GRID1: variants seen among roughly 807,000 people sequenced by gnomAD.
GRID1 encodes the protein glutamate receptor ionotropic, delta-1.
GRID1 carries 28 observed loss-of-function variants against 98.0 expected under a neutral mutation model. The ratio of observed to expected loss-of-function variants is 0.29; its 90% CI spans 0.21 to 0.39. The LOEUF is 0.39. GRID1 is among the 10% of genes least tolerant of loss of function. The pLI is 1.00. For missense variants in GRID1, 1,111 were observed against 1,340.5 expected (o/e 0.83, Z 2.67); for synonymous variants, 553 against 538.5 (o/e 1.03, Z -0.37).
At chr10:85,977,587 CT>C (rs746427205) in intron 4 of GRID1, among the ~76,000 whole-genome samples, 2 of 152,136 alleles carry the variant, frequency 1.3e-5, no homozygotes, top group Non-Finnish European at 2.9e-5. Flanking sequence ...AATCAACCCC[CT>C]AGGCTTAGAT....
intron 5 of GRID1, among the ~76,000 whole-genome samples, chr10:85,909,731 A>G (rs1473387853): frequency 6.6e-6 from 1 of 152,218 alleles, no homozygotes; most frequent in Non-Finnish European, 1.5e-5. Context: ...GAAACAGATC[A>G]GTAGTTGCCT....
In GRID1 at chr10:85,602,677, C is replaced by T. The variant is rs147240528; in HGVS notation, c.2626G>A (p.Val876Ile). The change falls in exon 16 of 16, where the codon GTC (valine) becomes ATC (isoleucine). Residue 876 changes from valine (V) to isoleucine (I), a missense_variant. By Grantham distance (29) the Val-to-Ile change is conservative (BLOSUM62 3). This residue lies in a region of GRID1 where 762 missense variants were observed against 869.1 expected (regional missense o/e 0.88). Coordinates refer to ENST00000327946, the MANE Select transcript of GRID1 (RefSeq NM_017551.3). ...ATGAGGCTGTTCATGCGCCGGTGGA[C>T]CTGCTCCAAGTTCACTTCTTTGTCC... Reference protein sequence around the residue: ...KEDKEVNLEQVHRRMNSLMDE... With the variant: ...KEDKEVNLEQIHRRMNSLMDE... 6.2e-7 allele frequency: 1 copy of T among 1,612,746 alleles called. No homozygotes were observed. Among genetic ancestry groups the T allele is most frequent in the African/African-American group, 1.3e-5 (1 of 74,908 alleles).
intron 4 of GRID1, among the ~76,000 whole-genome samples, chr10:86,004,740 T>TCACACACACACACACACACACA (rs201671134): frequency 2.1e-5 from 2 of 94,348 alleles, no homozygotes; most frequent in African/African-American, 6.8e-5. Context: ...ACACACACAC[T>TCACACACACACACACACACACA]CACACACACA....
intron 12 of GRID1, among the ~76,000 whole-genome samples, chr10:85,718,763 C>G (rs1841668023): frequency 6.6e-6 from 1 of 152,202 alleles, no homozygotes; most frequent in African/African-American, 2.4e-5. Flanking sequence ...ATGGGAGGGG[C>G]TGCCATGAAG....
rs1651465001 is a variant in GRID1, at chr10:85,647,413, G to A, written c.1998-16C>T. On this transcript the variant is annotated splice_polypyrimidine_tract_variant and intron_variant, in intron 12 of 15. Coordinates refer to ENST00000327946, the MANE Select transcript of GRID1 (RefSeq NM_017551.3). Reference sequence around the variant, plus strand: ...CTGGAAAGTCCTGAAATGCAGAAAGGCAGCGAGGCATGAGTACATGCTGTG... The same window carrying A: ...CTGGAAAGTCCTGAAATGCAGAAAGACAGCGAGGCATGAGTACATGCTGTG... 1 of 1,604,866 alleles carries A rather than the reference G, an allele frequency of 6.2e-7. No homozygotes were observed. The highest frequency in any genetic ancestry group is 8.5e-7 in the Non-Finnish European group (1 of 1,172,040).
chr10:85,888,914 C>T (rs1413138926), intron 5 of GRID1, among the ~76,000 whole-genome samples: 1 of 152,194 alleles, frequency 6.6e-6, no homozygotes, highest in Non-Finnish European at 1.5e-5. Flanking sequence ...ATTCAATTTC[C>T]TTTAATTCCA....
chr10:85,616,007 T>G (rs753452520), intron 14 of GRID1, among the ~76,000 whole-genome samples: 3 of 152,158 alleles, frequency 2.0e-5, no homozygotes, highest in Non-Finnish European at 2.9e-5. Flanking sequence ...TTATAATAAA[T>G]GTACCTACCT....
chr10:85,940,976 C>G (rs1841990242), intron 4 of GRID1, among the ~76,000 whole-genome samples: 1 of 152,194 alleles, frequency 6.6e-6, no homozygotes, highest in Non-Finnish European at 1.5e-5. Context: ...ATATAAGAAC[C>G]ATTCTGCTTG....
rs553773926 is a variant in GRID1 at position 85,771,807 on chromosome 10, C to T, written c.1234-42193G>A. On this transcript the variant is annotated intron_variant, in intron 8 of 15. Coordinates refer to ENST00000327946, the MANE Select transcript of GRID1 (RefSeq NM_017551.3). ...TATATATGCACCCAATACAGGAGTA[C>T]CCAGATTCATAAAGCAAGTCCTGAG... Among the ~76,000 whole-genome samples, 32 of 152,212 alleles carry T rather than the reference C, an allele frequency of 2.1e-4. No individual in the cohort carries two copies. In the East Asian group the frequency reaches 3.3e-3, roughly 16 times the overall value.
chr10:86,140,804 G>A (rs183832255), intron 3 of GRID1, among the ~76,000 whole-genome samples: 22 of 152,302 alleles, frequency 1.4e-4, no homozygotes, highest in Admixed American at 6.5e-5. Context: ...CCATTTTCCT[G>A]GGACTCTGAA....
At chr10:85,923,068 G>T (rs1210377077) in intron 4 of GRID1, among the ~76,000 whole-genome samples, 1 of 152,100 alleles carries the variant, frequency 6.6e-6, no homozygotes, top group Non-Finnish European at 1.5e-5. Context: ...TCCCACTGGG[G>T]AATCTTGGAT....
chr10:85,658,989 T>G (rs919703204), intron 12 of GRID1, among the ~76,000 whole-genome samples: 23 of 152,186 alleles, frequency 1.5e-4, no homozygotes, highest in Admixed American at 1.5e-3. Flanking sequence ...TTTGTGGAAG[T>G]GCAAAGATAA....
chr10:85,665,736 C>T (rs1285867404), intron 12 of GRID1, among the ~76,000 whole-genome samples: 2 of 152,122 alleles, frequency 1.3e-5, no homozygotes, highest in African/African-American at 2.4e-5. Context: ...CCTTTTTTCT[C>T]TCCCTTCGTG....
intron 5 of GRID1, among the ~76,000 whole-genome samples, chr10:85,881,391 C>A (rs1442912258): frequency 6.6e-6 from 1 of 152,098 alleles, no homozygotes; most frequent in Non-Finnish European, 1.5e-5. Context: ...AGGCTACAGT[C>A]ACCAAAACAG....
At chr10:85,965,660 T>C (rs1369965206) in intron 4 of GRID1, among the ~76,000 whole-genome samples, 3 of 151,972 alleles carry the variant, frequency 2.0e-5, no homozygotes, top group Non-Finnish European at 4.4e-5. Context: ...AGGGGAGGGA[T>C]AGCATTATGA....
At chr10:85,786,821 G>A in intron 8 of GRID1, among the ~76,000 whole-genome samples, 1 of 152,238 alleles carries the variant, frequency 6.6e-6, no homozygotes, top group East Asian at 1.9e-4. Context: ...AGTGTTGGGT[G>A]TCACTATGGC....
At chr10:86,271,245 CAGT>C (rs1847181179) in intron 2 of GRID1, among the ~76,000 whole-genome samples, 1 of 152,208 alleles carries the variant, frequency 6.6e-6, no homozygotes, top group Non-Finnish European at 1.5e-5. Flanking sequence ...GGTCCTGCCT[CAGT>C]AGTAGTAGCT....
chr10:85,614,250 G>A (rs1023723297), intron 14 of GRID1, among the ~76,000 whole-genome samples: 5 of 152,168 alleles, frequency 3.3e-5, no homozygotes, highest in African/African-American at 1.2e-4. Flanking sequence ...TTAAAAAAAT[G>A]AATCAAAGTA....
At chr10:85,654,870 T>C (rs1462621932) in intron 12 of GRID1, among the ~76,000 whole-genome samples, 1 of 152,148 alleles carries the variant, frequency 6.6e-6, no homozygotes, top group Non-Finnish European at 1.5e-5. Flanking sequence ...TTCCTAAACA[T>C]AGGCATATGT....
Sources: allele counts gnomAD v4.1 joint callset (sites outside exome capture counted in the v4.1 genomes callset), GRCh38; gene constraint gnomAD v4.1.1; regional missense constraint gnomAD v4.1.1; transcripts MANE v1.5; gene names NCBI Gene and HGNC (gene_info 2026-07-23, HGNC 2026-07-21).